The following ASB3 variants were observed in gnomAD, a reference collection of about 807,000 sequenced individuals.
The protein encoded by ASB3 is ankyrin repeat and SOCS box containing 3.
A neutral mutation model predicts 54.5 loss-of-function variants in ASB3; 41 were observed. The ratio of observed to expected loss-of-function variants is 0.75; its 90% CI spans 0.59 to 0.98. ASB3 has a LOEUF of 0.98. Among genes scored for constraint, ASB3 ranks in the 50% least tolerant of loss-of-function variants. The pLI is 0.00. For synonymous variants in ASB3, 266 were observed against 221.2 expected (o/e 1.20, Z -1.80); for missense variants, 733 against 620.0 (o/e 1.18, Z -1.94).
intron 9 of ASB3, among the ~76,000 whole-genome samples, chr2:53,688,587 C>T (rs1668750998): frequency 6.6e-6 from 1 of 152,162 alleles, no homozygotes. Context: ...CTACTATTAC[C>T]ATCTCTTCTT....
chr2:53,755,409 A>G (rs1184846531), intron 2 of ASB3, among the ~76,000 whole-genome samples: 1 of 152,240 alleles, frequency 6.6e-6, no homozygotes, highest in African/African-American at 2.4e-5. Flanking sequence ...GTTTTCTGCA[A>G]ACTCTAACAG....
intron 5 of ASB3, among the ~76,000 whole-genome samples, chr2:53,719,969 T>C (rs182980201): frequency 7.9e-5 from 12 of 152,254 alleles, no homozygotes; most frequent in Admixed American, 2.0e-4. Flanking sequence ...CTGCCTCCTA[T>C]TCTATTCCTA....
At chr2:53,716,827 G>A in intron 5 of ASB3, 84 bp from the exon 6 acceptor site, 1 of 1,422,806 alleles carries the variant, frequency 7.0e-7, no homozygotes, top group Admixed American at 2.3e-5. Flanking sequence ...TACCATAAAA[G>A]GGTTTCGTAG....
At chr2:53,683,733 G>A (rs1436271312) in intron 9 of ASB3, among the ~76,000 whole-genome samples, 4 of 151,978 alleles carry the variant, frequency 2.6e-5, no homozygotes, top group Non-Finnish European at 4.4e-5. Flanking sequence ...GAATTTATCC[G>A]TTTCTTCCAG....
In ASB3 at chr2:53,716,569, G is replaced by A; in HGVS notation, c.779C>T (p.Thr260Ile). The A allele has an allele frequency of 6.2e-7, 1 of 1,611,250 alleles. No individual in the cohort carries two copies. The highest frequency in any genetic ancestry group is 8.5e-7 in the Non-Finnish European group (1 of 1,178,600). Residue 260 changes from threonine to isoleucine, a missense_variant, in exon 6 of 10, where the codon ACA (threonine) becomes ATA (isoleucine). Thr to Ile is a moderately conservative substitution (Grantham distance 89). Transcript: ENST00000263634. ...PIHAAAQMGHTKILDLLIPLT... is the reference protein window; with the variant it reads ...PIHAAAQMGHIKILDLLIPLT... ...ATTTTCTGTTTTTAACACTTACTTTGTATGGCCCATTTGTGCAGCTGCATG... is the reference window on the plus strand; with the variant it reads ...ATTTTCTGTTTTTAACACTTACTTTATATGGCCCATTTGTGCAGCTGCATG...
chr2:53,771,945 A>G, intron 1 of ASB3: 3 of 1,500,310 alleles, frequency 2.0e-6, no homozygotes, highest in Non-Finnish European at 2.7e-6. Context: ...ATCCTGCGGT[A>G]TGGTATAAAT....
intron 2 of ASB3, among the ~76,000 whole-genome samples, chr2:53,754,908 G>GAT (rs1448368146): frequency 6.6e-6 from 1 of 152,186 alleles, no homozygotes; most frequent in East Asian, 1.9e-4. Context: ...TCCTTAAACT[G>GAT]ATACATGAGT....
In ASB3 at chr2:53,729,710, T is replaced by A. The variant is rs117470288; in HGVS notation, c.356-140A>T. 37 of 658,428 alleles carry A rather than the reference T, an allele frequency of 5.6e-5. 1 individual carries two copies. The East Asian group carries it at 1.0e-3, about 18-fold the overall frequency. The allele number at this position is 658,428 out of a possible 1,614,324, so 40.8% of individuals were successfully genotyped here. ...TTCCTAAACAGTTATCACAATTGTC[T>A]TAGCCCAAATCCATTAACATATATC... On this transcript the variant is annotated intron_variant, in intron 3 of 9. Coordinates refer to ENST00000263634, the MANE Select transcript of ASB3 (RefSeq NM_016115.5).
intron 5 of ASB3, among the ~76,000 whole-genome samples, chr2:53,717,379 C>G (rs558566312): frequency 6.6e-6 from 1 of 152,236 alleles, no homozygotes; most frequent in East Asian, 1.9e-4. Context: ...ATTGACTATA[C>G]TCTCTATTAC....
At chr2:53,702,895 T>C (rs986484486) in intron 7 of ASB3, among the ~76,000 whole-genome samples, 23 of 152,252 alleles carry the variant, frequency 1.5e-4, no homozygotes, top group Non-Finnish European at 2.8e-4. Flanking sequence ...TTAGGTGAAT[T>C]ATAACAGGCC....
chr2:53,727,450 T>C (rs1671063908), intron 5 of ASB3, among the ~76,000 whole-genome samples: 1 of 151,850 alleles, frequency 6.6e-6, no homozygotes, highest in African/African-American at 2.4e-5. Context: ...GGTTGGGAGA[T>C]TGAGACCACA....
chr2:53,718,609 G>T (rs768083870), intron 5 of ASB3, among the ~76,000 whole-genome samples: 1 of 152,004 alleles, frequency 6.6e-6, no homozygotes, highest in Non-Finnish European at 1.5e-5. Flanking sequence ...TCATACAATA[G>T]AAACTGCAAA....
chr2:53,773,326 G>T (rs543352562), intron 1 of ASB3, among the ~76,000 whole-genome samples: 22 of 152,092 alleles, frequency 1.4e-4, no homozygotes, highest in African/African-American at 5.1e-4. Context: ...CTGTGCCTAT[G>T]ATACAAAGAA....
intron 1 of ASB3, chr2:53,767,825 G>C: frequency 6.5e-7 from 1 of 1,549,420 alleles, no homozygotes; most frequent in Admixed American, 2.0e-5. Flanking sequence ...GGAGGCTTCA[G>C]TCCCCGGCGG....
At position 53,765,419 on chromosome 2, in the gene ASB3, A is replaced by G. The variant is rs1673385757; in HGVS notation, c.154T>C (p.Tyr52His). 6.2e-7 allele frequency: 1 copy of G among 1,614,096 alleles called. No individual in the cohort carries two copies. The highest frequency in any genetic ancestry group is 1.3e-5 in the African/African-American group (1 of 74,934). ...RGWMPIHEAA[Y>H]HNSVECLQML... ...TGCAAACATTCTACAGAGTTGTGAT[A>G]AGCTGCTTCATGAATTGGCATCCAT... Residue 52 changes from tyrosine (Y) to histidine (H), a missense_variant, in exon 2 of 10, where the codon TAT becomes CAT. Tyr to His is a moderately conservative substitution (Grantham distance 83, BLOSUM62 2). Transcript: ENST00000263634.
At chr2:53,738,958 C>A (rs1472380508) in intron 3 of ASB3, among the ~76,000 whole-genome samples, 1 of 152,100 alleles carries the variant, frequency 6.6e-6, no homozygotes, top group East Asian at 1.9e-4. Flanking sequence ...AGGTAAGACT[C>A]CAAACAGGTA....
chr2:53,688,194 G>A (rs901799011), intron 9 of ASB3, among the ~76,000 whole-genome samples: 10 of 152,134 alleles, frequency 6.6e-5, no homozygotes, highest in Admixed American at 4.6e-4. Flanking sequence ...TTGGCTATAG[G>A]CTAGGTTATG....
At position 53,765,485 on chromosome 2, in the gene ASB3, G is replaced by C. The variant is rs36020289; in HGVS notation, c.88C>G (p.Leu30Val). The C allele has an allele frequency of 0.015, 24,838 of 1,614,184 alleles. 224 individuals carry two copies. The highest frequency in any genetic ancestry group is 0.018 in the Non-Finnish European group (21,108 of 1,180,022). The change falls in exon 2 of 10, where the codon CTC (leucine) becomes GTC (valine). Residue 30 changes from leucine (L) to valine (V), a missense_variant. By Grantham distance (32) the Leu-to-Val change is conservative. Transcript: ENST00000263634. The part of the protein sequence containing the change: ...EGNVKVLRKL[L>V]KKGRSVDVAD... ...ACATCGACACTTCGGCCCTTTTTGA[G>C]CAGTTTCCTTAAGACTTTAACATTG... is the stretch of plus-strand genomic sequence containing the variant.
At position 53,757,403 on chromosome 2, in the gene ASB3, G is replaced by A. The variant is rs563757847; in HGVS notation, c.197-6462C>T. 1.1e-4 allele frequency among the ~76,000 whole-genome samples: 16 copies of A among 152,308 alleles called. No homozygotes were observed. In the East Asian group the frequency reaches 1.9e-3, roughly 18 times the overall value. On this transcript the variant is annotated intron_variant, in intron 2 of 9. Transcript: ENST00000263634. The stretch of plus-strand genomic sequence containing the variant: ...CAGAAAGCTGTCGTCCCGAACTCCC[G>A]GCGTTAGCTGGTTGAGATCATGGCG...
Sources: allele counts gnomAD v4.1 joint callset (sites outside exome capture counted in the v4.1 genomes callset), GRCh38; gene constraint gnomAD v4.1.1; transcripts MANE v1.5; gene names NCBI Gene and HGNC (gene_info 2026-07-23, HGNC 2026-07-21).